The following ASAP3 variants were observed in gnomAD, a reference collection of about 807,000 sequenced individuals.
ASAP3 encodes the protein ArfGAP with SH3 domain, ankyrin repeat and PH domain 3.
Under a neutral mutation model 118.2 loss-of-function variants are expected in ASAP3, and 85 were observed. That is an observed-to-expected ratio of 0.72 (90% CI 0.60 to 0.86). The LOEUF is 0.86. ASAP3 is among the 40% of genes least tolerant of loss of function. The pLI, the probability that ASAP3 is intolerant of heterozygous loss-of-function variation, is 0.00. For synonymous variants in ASAP3, 432 were observed against 477.4 expected (o/e 0.90, Z 1.24); for missense variants, 1,026 against 1,175.0 (o/e 0.87, Z 1.85).
chr1:23,468,867 T>C (rs1347301413), intron 1 of ASAP3, among the ~76,000 whole-genome samples: 3 of 93,296 alleles, frequency 3.2e-5, no homozygotes, highest in East Asian at 6.5e-4. Flanking sequence ...TGAGACTCCA[T>C]CTCAAAAAAA....
chr1:23,446,873 T>A (rs1020235926), intron 5 of ASAP3, among the ~76,000 whole-genome samples: 8 of 152,160 alleles, frequency 5.3e-5, no homozygotes, highest in Admixed American at 3.9e-4. Context: ...GTCTCCAACA[T>A]CTTGGCACCA....
chr1:23,483,290 G>A (rs1642369340), intron 1 of ASAP3, among the ~76,000 whole-genome samples: 1 of 152,206 alleles, frequency 6.6e-6, no homozygotes, highest in African/African-American at 2.4e-5. Flanking sequence ...CGGGGTGTCT[G>A]TCCTAGAATA....
At chr1:23,476,788 A>C (rs946490269) in intron 1 of ASAP3, among the ~76,000 whole-genome samples, 1 of 151,694 alleles carries the variant, frequency 6.6e-6, no homozygotes, top group African/African-American at 2.4e-5. Flanking sequence ...CAGCTTCTTT[A>C]CTGCCTCAGG....
intron 5 of ASAP3, among the ~76,000 whole-genome samples, chr1:23,443,286 TTTTAGAGTACCCA>T (rs1389651869): frequency 6.6e-6 from 1 of 152,204 alleles, no homozygotes; most frequent in Non-Finnish European, 1.5e-5. Context: ...AAGCCTGGGC[TTTTAGAGTACCCA>T]TCACCCGAAT....
At chr1:23,448,691 T>C (rs1641120565) in intron 5 of ASAP3, among the ~76,000 whole-genome samples, 1 of 152,160 alleles carries the variant, frequency 6.6e-6, no homozygotes, top group Non-Finnish European at 1.5e-5. Context: ...GGTTTCGAAC[T>C]CCTGAGCCCA....
rs1640502812 is a variant in ASAP3, at chr1:23,433,159, C to T, written c.2241G>A (p.Glu747=). 1 of 1,614,066 alleles carries T rather than the reference C, an allele frequency of 6.2e-7. No individual in the cohort carries two copies. Among genetic ancestry groups the T allele is most frequent in the South Asian group, 1.1e-5 (1 of 91,088 alleles). The change falls in exon 22 of 25, where the codon GAG becomes GAA. Residue 747 remains glutamate, a synonymous_variant. Transcript: ENST00000336689. ...ASLGAATPQG[E]SEDCPPPLPV... is the part of the protein sequence containing the mutation. The stretch of plus-strand genomic sequence containing the variant: ...GCAAGGGCGGGGGACAGTCCTCACT[C>T]TCGCCCTGAGGGGTGGCTGCTCCCA...
chr1:23,469,248 G>C (rs1226580843), intron 1 of ASAP3, among the ~76,000 whole-genome samples: 1 of 152,146 alleles, frequency 6.6e-6, no homozygotes, highest in Non-Finnish European at 1.5e-5. Flanking sequence ...CAAGGCTGCA[G>C]TGAGCTCTGA....
rs1248963467 is a variant in ASAP3, at chr1:23,456,010, T to C, written c.219A>G (p.Glu73=). 6.2e-7 allele frequency: 1 copy of C among 1,614,100 alleles called. No homozygotes were observed. Among genetic ancestry groups the C allele is most frequent in the Non-Finnish European group, 8.5e-7 (1 of 1,179,998 alleles). The change falls in exon 3 of 25, where the codon GAA becomes GAG. Residue 73 remains glutamate, a synonymous_variant. Coordinates refer to ENST00000336689, the MANE Select transcript of ASAP3 (RefSeq NM_017707.4). ...HSSGLGHVEN[E]EQYREAVESL... ...ATTCCACGGCCTCTCGGTACTGCTC[T>C]TCATTCTCCACATGGCCTGTGGAGG...
At chr1:23,478,720 A>G (rs1642211508) in intron 1 of ASAP3, among the ~76,000 whole-genome samples, 1 of 151,810 alleles carries the variant, frequency 6.6e-6, no homozygotes, top group Non-Finnish European at 1.5e-5. Context: ...AGATCGTGCC[A>G]CTGCACTCCA....
At chr1:23,435,824 A>G (rs376229214) in intron 17 of ASAP3, 27 bp downstream of exon 17, 3 of 1,613,878 alleles carry the variant, frequency 1.9e-6, no homozygotes, top group African/African-American at 2.7e-5. Context: ...CAGGTGGGTT[A>G]TAAGTGGCCC....
chr1:23,441,826 GC>G, intron 7 of ASAP3, 96 bp from the exon 8 acceptor site: 2 of 1,294,760 alleles, frequency 1.5e-6, no homozygotes, highest in Non-Finnish European at 2.2e-6. Context: ...GGATCACAGG[GC>G]ACCTCAGGGA....
At chr1:23,463,671 G>A (rs376178142) in intron 1 of ASAP3, among the ~76,000 whole-genome samples, 2 of 151,924 alleles carry the variant, frequency 1.3e-5, no homozygotes, top group African/African-American at 4.8e-5. Context: ...GCACAATCTC[G>A]GCTCACTGCA....
At position 23,437,242 on chromosome 1, in the gene ASAP3, C is replaced by T; in HGVS notation, c.1230G>A (p.Gly410=). The change falls in exon 14 of 25, where the codon GGG becomes GGA. Residue 410 remains glycine, a synonymous_variant. Coordinates refer to ENST00000336689, the MANE Select transcript of ASAP3 (RefSeq NM_017707.4). This position sits in a 1 kb window ranked among gnomAD's most constrained non-coding sequence, Gnocchi z 6.1. ...CATCATGGCCGGCGGACCCCCAGGA[C>T]CCCGGGCCAGCGCTGGGCTCCCCGA... ...AFLGEPSAGP[G]SWGSAGHDGE... The T allele has an allele frequency of 1.3e-6, 2 of 1,591,498 alleles. No homozygotes were observed. Among genetic ancestry groups the T allele is most frequent in the Non-Finnish European group, 1.7e-6 (2 of 1,169,224 alleles).
intron 1 of ASAP3, 150 bp downstream of exon 1, chr1:23,483,855 T>G: frequency 1.4e-5 from 12 of 855,540 alleles, no homozygotes; most frequent in South Asian, 5.7e-5. Flanking sequence ...GACGCAGCTG[T>G]TGGAGATGCG....
At chr1:23,430,530 A>G (rs976143890) in intron 24 of ASAP3, among the ~76,000 whole-genome samples, 1 of 152,212 alleles carries the variant, frequency 6.6e-6, no homozygotes, top group Non-Finnish European at 1.5e-5. Context: ...TGTGGATTCC[A>G]GGAGACTCAT....
Position 23,438,624 on chromosome 1 carries a change from G to GC in ASAP3, c.1102+122dup. On this transcript the variant is annotated intron_variant, in intron 12 of 24. Coordinates refer to ENST00000336689, the MANE Select transcript of ASAP3 (RefSeq NM_017707.4). This position sits in a 1 kb window ranked among gnomAD's most constrained non-coding sequence, Gnocchi z 4.9. ...AAGGATTCTTATGTCTGCAGTAGCA[G>GC]CAATTCGACACCATGTGTGGAACTG... 1.3e-6 allele frequency: 1 copy of GC among 763,514 alleles called. No individual in the cohort carries two copies. The highest frequency in any genetic ancestry group is 2.2e-6 in the Non-Finnish European group (1 of 460,240). The allele number at this position is 763,514 out of a possible 1,614,324, so 47.3% of individuals were successfully genotyped here. A position where few individuals can be genotyped will look rare whatever the true frequency, so the allele number is the denominator to read the frequency against.
At chr1:23,434,509 A>C (rs1302607543) in intron 18 of ASAP3, 24 bp downstream of exon 18, 1 of 1,613,392 alleles carries the variant, frequency 6.2e-7, no homozygotes, top group Non-Finnish European at 8.5e-7. Context: ...GAGGAGCCAG[A>C]CAGACAGGCA....
At position 23,456,151 on chromosome 1, in the gene ASAP3, G is replaced by C. The variant is rs1194566647; in HGVS notation, c.173C>G (p.Ala58Gly). 8 of 1,614,036 alleles carry C rather than the reference G, an allele frequency of 5.0e-6. No homozygotes were observed. The East Asian group carries it at 1.6e-4, about 31-fold the overall frequency. The change falls in exon 2 of 25, where the codon GCT becomes GGT. Residue 58 changes from alanine (A) to glycine (G), a missense_variant. Transcript: ENST00000336689. ...GCCGGAGCTATGGATTGCCCGCACA[G>C]CCTTCTTTATTCTCTGCAGGATGGC... is the stretch of plus-strand genomic sequence containing the variant. ...DQAILQRIKK[A>G]VRAIHSSGLG...
At chr1:23,478,252 G>A (rs1642196119) in intron 1 of ASAP3, among the ~76,000 whole-genome samples, 2 of 152,144 alleles carry the variant, frequency 1.3e-5, no homozygotes, top group South Asian at 4.1e-4. Context: ...ATCACCTGAG[G>A]TCAGGAGTTT....
Sources: gnomAD v4.1 joint callset for allele counts (sites outside exome capture counted in the v4.1 genomes callset) on GRCh38, gnomAD v4.1.1 for gene constraint, Gnocchi (gnomAD v3.1) non-coding constraint, MANE v1.5 for transcripts, NCBI Gene and HGNC (gene_info 2026-07-23, HGNC 2026-07-21) for gene names.